Variants in XRCC5 observed in about 807,000 individuals in gnomAD.
XRCC5 encodes DNA repair protein Ku80.
XRCC5 carries 12 observed loss-of-function variants against 95.7 expected under a neutral mutation model. That is an observed-to-expected ratio of 0.13 (90% CI 0.08 to 0.20). The LOEUF is 0.20. Among genes scored for constraint, XRCC5 ranks in the 10% least tolerant of loss-of-function variants. The pLI, the probability that XRCC5 is intolerant of heterozygous loss-of-function variation, is 1.00. For missense variants in XRCC5, 595 were observed against 873.9 expected, an observed-to-expected ratio of 0.68 and a Z score of 4.02; for synonymous variants, 281 against 290.3, an observed-to-expected ratio of 0.97 and a Z score of 0.33.
chr2:216,175,492 C>T (rs1689255496), intron 16 of XRCC5: 1 of 483,030 alleles, frequency 2.1e-6, no homozygotes, highest in African/African-American at 2.0e-5. Flanking sequence ...TTCTAAACAA[C>T]AGTTTTATCA....
Position 216,141,191 on chromosome 2 carries a change from C to G in XRCC5, c.1348C>G (p.Gln450Glu). The G allele has an allele frequency of 6.2e-7, 1 of 1,613,728 alleles. No individual in the cohort carries two copies. The highest frequency in any genetic ancestry group is 8.5e-7 in the Non-Finnish European group (1 of 1,179,886). The change falls in exon 13 of 21, where the codon CAG becomes GAG. Residue 450 changes from glutamine (Q) to glutamate (E), a missense_variant. Gln to Glu is a conservative substitution (Grantham distance 29). Transcript: ENST00000392132. ...TTTCGGCTTCTCTGTTTAAGAGGCA[C>G]AGTTGAATGCTGTTGATGCTTTGAT... ...NSKKYAPTEA[Q>E]LNAVDALIDS...
At chr2:216,133,451 T>C (rs1249638941) in intron 10 of XRCC5, among the ~76,000 whole-genome samples, 1 of 152,218 alleles carries the variant, frequency 6.6e-6, no homozygotes, top group African/African-American at 2.4e-5. Context: ...GCTGGGACTA[T>C]AGGTGTGCGC....
At chr2:216,114,060 C>T (rs1696640286) in intron 2 of XRCC5, among the ~76,000 whole-genome samples, 1 of 152,166 alleles carries the variant, frequency 6.6e-6, no homozygotes, top group Middle Eastern at 3.2e-3. Flanking sequence ...TACAGTGCCT[C>T]AGTGTCCCAT....
intron 4 of XRCC5, 52 bp downstream of exon 4, chr2:216,117,846 A>G (rs372312767): frequency 3.9e-6 from 6 of 1,541,500 alleles, no homozygotes; most frequent in Middle Eastern, 1.7e-4. Flanking sequence ...CAAAAATTGT[A>G]TGGGTTAATG....
intron 12 of XRCC5, among the ~76,000 whole-genome samples, chr2:216,140,478 A>T (rs1473968254): frequency 6.6e-6 from 1 of 152,156 alleles, no homozygotes. Context: ...TACCATTTTT[A>T]TTGACTGAGT....
chr2:216,194,808 T>A (rs1689684682), intron 18 of XRCC5, 111 bp from the exon 19 acceptor site: 1 of 1,039,422 alleles, frequency 9.6e-7, no homozygotes, highest in African/African-American at 1.6e-5. Context: ...CTGTCTCTAT[T>A]TAAAAAAAAG....
chr2:216,119,088 C>T lies in XRCC5; in HGVS notation c.414C>T (p.Leu138=), dbSNP rs1696753869. ...GGCATATTGAAATATTCACTGACCTCAGCAGCCGATTCAGCAAAAGTCAGC... is the reference window on the plus strand; with the variant it reads ...GGCATATTGAAATATTCACTGACCTTAGCAGCCGATTCAGCAAAAGTCAGC... The part of the protein sequence containing the change: ...EKRHIEIFTD[L]SSRFSKSQLD... The change falls in exon 5 of 21, where the codon CTC becomes CTT. Residue 138 remains leucine, a synonymous_variant. Coordinates refer to ENST00000392132, the MANE Select transcript of XRCC5 (RefSeq NM_021141.4). 13 of 1,613,962 alleles carry T rather than the reference C, an allele frequency of 8.1e-6. No homozygotes were observed. Among genetic ancestry groups the T allele is most frequent in the Middle Eastern group, 1.6e-4 (1 of 6,082 alleles).
intron 16 of XRCC5, among the ~76,000 whole-genome samples, chr2:216,168,253 T>A (rs904874066): frequency 1.3e-5 from 2 of 152,224 alleles, no homozygotes; most frequent in African/African-American, 4.8e-5. Flanking sequence ...TGTGAAAGAC[T>A]CTGGATCAAA....
At chr2:216,126,083 T>C (rs2106006229) in intron 7 of XRCC5, 52 bp downstream of exon 7, 1 of 1,432,176 alleles carries the variant, frequency 7.0e-7, no homozygotes, top group Non-Finnish European at 9.8e-7. Context: ...CAGATAAATA[T>C]GTGTATATAA....
intron 5 of XRCC5, among the ~76,000 whole-genome samples, chr2:216,121,456 G>A (rs1352138250): frequency 1.3e-5 from 2 of 152,190 alleles, no homozygotes; most frequent in Non-Finnish European, 2.9e-5. Flanking sequence ...TCAAGATGGT[G>A]CCTTATTGCT....
intron 14 of XRCC5, among the ~76,000 whole-genome samples, chr2:216,153,774 T>C (rs1319897381): frequency 2.0e-5 from 3 of 152,226 alleles, no homozygotes; most frequent in Non-Finnish European, 2.9e-5. Context: ...CCACTTTGCC[T>C]TAGCAATGCA....
chr2:216,187,786 G>GACACACACACACAC lies in XRCC5; in HGVS notation c.1835-2416_1835-2403dup, dbSNP rs149998611. ...AGTATCTGTGATGCCATGAACTCCT[G>GACACACACACACAC]ACACACACACACACACACACACACA... On this transcript the variant is annotated intron_variant, in intron 16 of 20. Transcript: ENST00000392132. 7.7e-3 allele frequency among the ~76,000 whole-genome samples: 494 copies of GACACACACACACAC among 64,442 alleles called. 24 individuals carry two copies. The highest frequency in any genetic ancestry group is 0.019 in the African/African-American group (185 of 9,948). 42.3% of individuals were successfully genotyped at this position (64,442 alleles called of 152,430 possible). A position where few individuals can be genotyped will look rare whatever the true frequency, so the allele number is the denominator to read the frequency against.
At chr2:216,195,467 C>G (rs1046852098) in intron 19 of XRCC5, among the ~76,000 whole-genome samples, 2 of 148,602 alleles carry the variant, frequency 1.3e-5, no homozygotes, top group Non-Finnish European at 3.0e-5. Context: ...CAGAATTACC[C>G]TAGAGATTCT....
At chr2:216,146,360 A>G (rs553572802) in intron 13 of XRCC5, among the ~76,000 whole-genome samples, 2 of 152,312 alleles carry the variant, frequency 1.3e-5, no homozygotes, top group Admixed American at 6.5e-5. Context: ...TTTTTAGAAT[A>G]GAAACTTTCA....
In XRCC5 at chr2:216,152,484, AC is replaced by A. The variant is rs1411226579; in HGVS notation, c.1670+4210del. ...AATTTGGGTGGGAACACAAAGCGTAACCGTATCAGGTGAGAACTCCGCAGTT... is the reference window on the plus strand; with the variant it reads ...AATTTGGGTGGGAACACAAAGCGTAACGTATCAGGTGAGAACTCCGCAGTT... On this transcript the variant is annotated intron_variant, in intron 14 of 20. Coordinates refer to ENST00000392132, the MANE Select transcript of XRCC5 (RefSeq NM_021141.4). Among the ~76,000 whole-genome samples, 13 of 151,954 alleles carry A rather than the reference AC, an allele frequency of 8.6e-5. No individual in the cohort carries two copies. The East Asian group carries it at 2.1e-3, about 25-fold the overall frequency.
At chr2:216,163,175 C>T (rs1688986092) in intron 16 of XRCC5, among the ~76,000 whole-genome samples, 1 of 152,018 alleles carries the variant, frequency 6.6e-6, no homozygotes, top group Non-Finnish European at 1.5e-5. Context: ...CGCTGTGTCA[C>T]CCAGGCTGGA....
At chr2:216,205,070 A>G (rs559101235) in intron 20 of XRCC5, 118 bp from the exon 21 acceptor site, 36 of 1,185,700 alleles carry the variant, frequency 3.0e-5, no homozygotes, top group Admixed American at 1.2e-4. Flanking sequence ...TGAATAAATG[A>G]GCAAGTACAT....
chr2:216,113,142 T>C lies in XRCC5; in HGVS notation c.135+13T>C, dbSNP rs745746809. 2 of 1,604,416 alleles carry C rather than the reference T, an allele frequency of 1.2e-6. No individual in the cohort carries two copies. Among genetic ancestry groups the C allele is most frequent in the Non-Finnish European group, 1.7e-6 (2 of 1,171,610 alleles). On this transcript the variant is annotated intron_variant, in intron 2 of 20. Coordinates refer to ENST00000392132, the MANE Select transcript of XRCC5 (RefSeq NM_021141.4). Reference sequence around the variant, plus strand: ...TGTACAGCGACAGGTAAGTTTCAGATTGACACTGAGCTTGTAACCCATGTT... The same window carrying C: ...TGTACAGCGACAGGTAAGTTTCAGACTGACACTGAGCTTGTAACCCATGTT...
Position 216,132,355 on chromosome 2 carries a change from G to A in XRCC5, c.1081G>A (p.Val361Ile), listed in dbSNP as rs1249608002. ...VQRRFFMGNQ[V>I]LKVFAARDDE... ...GAGAAGATTCTTCATGGGAAATCAA[G>A]TTCTAAAGGTCTTTGCAGCAAGAGA... Residue 361 changes from valine (V) to isoleucine (I), a missense_variant, in exon 10 of 21, where the codon GTT becomes ATT. By Grantham distance (29) the Val-to-Ile change is conservative. Coordinates refer to ENST00000392132, the MANE Select transcript of XRCC5 (RefSeq NM_021141.4). The A allele has an allele frequency of 1.2e-6, 2 of 1,613,978 alleles. No homozygotes were observed. The highest frequency in any genetic ancestry group is 1.7e-6 in the Non-Finnish European group (2 of 1,179,900).
Sources: allele counts gnomAD v4.1 joint callset (sites outside exome capture counted in the v4.1 genomes callset), GRCh38; gene constraint gnomAD v4.1.1; transcripts MANE v1.5; gene names NCBI Gene and HGNC (gene_info 2026-07-23, HGNC 2026-07-21).